CELSR1: variants seen among roughly 807,000 people sequenced by gnomAD.
CELSR1 encodes cadherin EGF LAG seven-pass G-type receptor 1, also known as adhesion G protein-coupled receptor C1.
In CELSR1, 110 loss-of-function variants were observed where a neutral mutation model predicts 249.1. The ratio of observed to expected loss-of-function variants is 0.44; its 90% CI spans 0.38 to 0.52. CELSR1 has a LOEUF of 0.52. Among genes scored for constraint, CELSR1 ranks in the 20% least tolerant of loss-of-function variants. CELSR1 has a pLI of 0.00. For synonymous variants in CELSR1, 2,113 were observed against 1,900.0 expected (o/e 1.11, Z -2.92); for missense variants, 4,109 against 4,296.4 (o/e 0.96, Z 1.22).
In CELSR1 at chr22:46,430,948, TCCTAATGGACG is replaced by T. The variant is rs2079588557; in HGVS notation, c.4611+2434_4611+2444del. On this transcript the variant is annotated intron_variant, in intron 5 of 34. Coordinates refer to ENST00000674500, the MANE Select transcript of CELSR1 (RefSeq NM_001378328.1). This position sits in a 1 kb window ranked among gnomAD's most constrained non-coding sequence, Gnocchi z 4.6. The stretch of plus-strand genomic sequence containing the variant: ...TCCTAGTGTGTGGCCCCGTCAGACC[TCCTAATGGACG>T]CCTGAAGACACAGTAAAAACTGGTT... 6.6e-6 allele frequency among the ~76,000 whole-genome samples: 1 copy of T among 152,136 alleles called. No individual in the cohort carries two copies. Among genetic ancestry groups the T allele is most frequent in the African/African-American group, 2.4e-5 (1 of 41,430 alleles).
In CELSR1 at chr22:46,397,834, C is replaced by T. The variant is rs1213104318; in HGVS notation, c.5541G>A (p.Gly1847=). ...GGGTGGCGACGTTGGTGGGCGTCCC[C>T]CCCATCCTCACTCCCTGCATTAAGT... is the stretch of plus-strand genomic sequence containing the variant. ...FRGCMQGVRM[G]GTPTNVATLN... Residue 1847 remains glycine (G), a synonymous_variant, in exon 12 of 35, where the codon GGG becomes GGA. Transcript: ENST00000674500. 2 of 1,577,682 alleles carry T rather than the reference C, an allele frequency of 1.3e-6. No individual in the cohort carries two copies. The highest frequency in any genetic ancestry group is 1.4e-5 in the African/African-American group (1 of 73,752).
chr22:46,380,846 G>A lies in CELSR1; in HGVS notation c.7198C>T (p.Leu2400=). 6.2e-7 allele frequency: 1 copy of A among 1,612,294 alleles called. No individual in the cohort carries two copies. The highest frequency in any genetic ancestry group is 8.5e-7 in the Non-Finnish European group (1 of 1,179,852). The part of the protein sequence containing the change: ...LERPVLVEFA[L]LEVEERTKPV... ...TTGGTTCGCTCCTCCACCTCCAGCA[G>A]GGCGAACTCCACCAGGACGGGCCTC... The change falls in exon 22 of 35, where the codon CTG becomes TTG. Residue 2400 remains leucine, a synonymous_variant. Coordinates refer to ENST00000674500, the MANE Select transcript of CELSR1 (RefSeq NM_001378328.1). The surrounding 1 kb of genome is among the most constrained non-coding windows in gnomAD (Gnocchi z 5.1).
intron 18 of CELSR1, among the ~76,000 whole-genome samples, chr22:46,387,524 T>C (rs2079045449): frequency 6.8e-6 from 1 of 146,050 alleles, no homozygotes; most frequent in South Asian, 2.1e-4. Context: ...GCCCAGCTGA[T>C]TTTTTTCATA....
chr22:46,493,407 G>A (rs1298853065), intron 1 of CELSR1, among the ~76,000 whole-genome samples: 3 of 151,842 alleles, frequency 2.0e-5, no homozygotes, highest in African/African-American at 7.3e-5. Flanking sequence ...TTAGCTGGGT[G>A]TGGTGGTGGG....
chr22:46,422,370 A>C (rs2079484331), intron 5 of CELSR1, among the ~76,000 whole-genome samples: 1 of 151,988 alleles, frequency 6.6e-6, no homozygotes, highest in Non-Finnish European at 1.5e-5. Context: ...GGCCTCCCAA[A>C]GTGCTAGGAT....
rs947340305 is a variant in CELSR1, at chr22:46,454,302, G to A, written c.4183+9405C>T. ...AACAGTAAGAATGAATCCGTGCTGC[G>A]TTAAGCCCCTCGTGTGTGGAAATGT... is the stretch of plus-strand genomic sequence containing the variant. On this transcript the variant is annotated intron_variant, in intron 2 of 34. Coordinates refer to ENST00000674500, the MANE Select transcript of CELSR1 (RefSeq NM_001378328.1). This position sits in a 1 kb window ranked among gnomAD's most constrained non-coding sequence, Gnocchi z 5.1. 2.6e-5 allele frequency among the ~76,000 whole-genome samples: 4 copies of A among 152,212 alleles called. No individual in the cohort carries two copies. The highest frequency in any genetic ancestry group is 6.5e-5 in the Admixed American group (1 of 15,284).
rs559583570 is a variant in CELSR1, at chr22:46,463,995, C to T, written c.3895G>A (p.Val1299Met). 4.3e-6 allele frequency: 7 copies of T among 1,613,900 alleles called. No homozygotes were observed. The highest frequency in any genetic ancestry group is 1.3e-5 in the African/African-American group (1 of 75,078). Residue 1299 changes from valine to methionine, a missense_variant, in exon 2 of 35, where the codon GTG becomes ATG. Physicochemically the swap from Val to Met is conservative, Grantham distance 21. This residue lies in a region of CELSR1 where 141 missense variants were observed against 209.4 expected (regional missense o/e 0.67). Transcript: ENST00000674500. ...CAGATGTTGTCGTCGAAGGGCAGCA[C>T]GCGCTGCGTGGAGATGGTGGTCAGC... ...TLLTTISTQR[V>M]LPFDDNICLR... is the part of the protein sequence containing the mutation.
At chr22:46,475,872 T>C (rs1356014919) in intron 1 of CELSR1, among the ~76,000 whole-genome samples, 1 of 152,144 alleles carries the variant, frequency 6.6e-6, no homozygotes, top group Admixed American at 6.6e-5. Flanking sequence ...ATTAAGTTGT[T>C]CCATGTTATT....
At position 46,488,828 on chromosome 22, in the gene CELSR1, T is replaced by C. The variant is rs1285945193; in HGVS notation, c.3545-24483A>G. Among the ~76,000 whole-genome samples, 2 of 151,958 alleles carry C rather than the reference T, an allele frequency of 1.3e-5. No homozygotes were observed. The highest frequency in any genetic ancestry group is 4.8e-5 in the African/African-American group (2 of 41,368). ...GCGCCCGCCACCAGGCCCAGCTAAT[T>C]TTTTGTATTTTTAGTAGAGACGGGG... On this transcript the variant is annotated intron_variant, in intron 1 of 34. Coordinates refer to ENST00000674500, the MANE Select transcript of CELSR1 (RefSeq NM_001378328.1). The surrounding 1 kb of genome is among the most constrained non-coding windows in gnomAD (Gnocchi z 4.7).
Position 46,397,678 on chromosome 22 carries a change from G to C in CELSR1, c.5697C>G (p.Asp1899Glu). 6.6e-7 allele frequency: 1 copy of C among 1,508,946 alleles called. No homozygotes were observed. Among genetic ancestry groups the C allele is most frequent in the Non-Finnish European group, 8.9e-7 (1 of 1,120,692 alleles). The allele number at this position is 1,508,946 out of a possible 1,614,324, so 93.5% of individuals were successfully genotyped here. The change falls in exon 12 of 35, where the codon GAC (aspartate) becomes GAG (glutamate). Residue 1899 changes from aspartate to glutamate, a missense_variant. This residue lies in a region of CELSR1 where 1,805 missense variants were observed against 1,831.6 expected (regional missense o/e 0.99). Transcript: ENST00000674500. ...GCCCCGGGAGGGCGGTCCCACCTTT[G>C]TCACAGACGCAGCTGTAGTCCTCCC... is the stretch of plus-strand genomic sequence containing the variant. ...DAWEDYSCVC[D>E]KGYLGINCVD...
At position 46,409,924 on chromosome 22, in the gene CELSR1, G is replaced by A. The variant is rs377033128; in HGVS notation, c.4934-44C>T. On this transcript the variant is annotated intron_variant, in intron 7 of 34. Coordinates refer to ENST00000674500, the MANE Select transcript of CELSR1 (RefSeq NM_001378328.1). The surrounding 1 kb of genome is among the most constrained non-coding windows in gnomAD (Gnocchi z 9.8). ...CGGCAGAGCCTGACTCGGAGGAACC[G>A]CCCGGGGTCCCCGGCGCCAGACGTG... 25 of 1,604,180 alleles carry A rather than the reference G, an allele frequency of 1.6e-5. No individual in the cohort carries two copies. The highest frequency in any genetic ancestry group is 4.0e-5 in the African/African-American group (3 of 74,900).
chr22:46,367,036 A>G lies in CELSR1; in HGVS notation c.8162T>C (p.Leu2721Pro), dbSNP rs766314777. Reference sequence around the variant, plus strand: ...GGTGGTGGCGGAGTCCTCCAGGTGCAGCTTCCTCCCGCCGAGCACGCCCTT... The same window carrying G: ...GGTGGTGGCGGAGTCCTCCAGGTGCGGCTTCCTCCCGCCGAGCACGCCCTT... Reference protein sequence around the residue: ...HLKGVLGGRKLHLEDSATTRA... With the variant: ...HLKGVLGGRKPHLEDSATTRA... Residue 2721 changes from leucine (L) to proline (P), a missense_variant, in exon 29 of 35, where the codon CTG (leucine) becomes CCG (proline). Leu to Pro is a moderately conservative substitution (Grantham distance 98, BLOSUM62 -3). Coordinates refer to ENST00000674500, the MANE Select transcript of CELSR1 (RefSeq NM_001378328.1). The G allele has an allele frequency of 6.2e-7, 1 of 1,610,824 alleles. No homozygotes were observed. Among genetic ancestry groups the G allele is most frequent in the South Asian group, 1.1e-5 (1 of 90,722 alleles).
intron 1 of CELSR1, among the ~76,000 whole-genome samples, chr22:46,496,819 G>A (rs887881937): frequency 1.1e-4 from 16 of 151,976 alleles, no homozygotes; most frequent in African/African-American, 3.9e-4. Flanking sequence ...TGGAAAACCT[G>A]AAGGGCCAGA....
chr22:46,390,801 G>A lies in CELSR1; in HGVS notation c.6251-315C>T, dbSNP rs1382795700. On this transcript the variant is annotated intron_variant, in intron 16 of 34. Transcript: ENST00000674500. This position sits in a 1 kb window ranked among gnomAD's most constrained non-coding sequence, Gnocchi z 6.3. The stretch of plus-strand genomic sequence containing the variant: ...ATCCCATGCACCAGGAATCCATTTC[G>A]GCTGGGCCTTTCCTTGCCTCACTGG... Among the ~76,000 whole-genome samples the A allele has an allele frequency of 1.3e-5, 2 of 152,174 alleles. No individual in the cohort carries two copies. The highest frequency in any genetic ancestry group is 2.9e-5 in the Non-Finnish European group (2 of 68,026).
chr22:46,485,318 C>T (rs772634684), intron 1 of CELSR1, among the ~76,000 whole-genome samples: 2 of 152,182 alleles, frequency 1.3e-5, no homozygotes, highest in Non-Finnish European at 2.9e-5. Context: ...AAGACAAGCC[C>T]TCCATCCTGA....
rs1555925990 is a variant in CELSR1 at position 46,474,785 on chromosome 22, C to CTGCTTTT, written c.3545-10441_3545-10440insAAAAGCA. Among the ~76,000 whole-genome samples, 333 of 45,102 alleles carry CTGCTTTT rather than the reference C, an allele frequency of 7.4e-3. 1 individual carries two copies. Among genetic ancestry groups the CTGCTTTT allele is most frequent in the Middle Eastern group, 0.019 (2 of 106 alleles). 29.6% of individuals were successfully genotyped at this position (45,102 alleles called of 152,430 possible). ...CTGGTGACCATTATTCTACTCTCTA[C>CTGCTTTT]TTCTTTTTTTTTTTTTTTTTTGAGA... On this transcript the variant is annotated intron_variant, in intron 1 of 34. Coordinates refer to ENST00000674500, the MANE Select transcript of CELSR1 (RefSeq NM_001378328.1).
intron 2 of CELSR1, among the ~76,000 whole-genome samples, chr22:46,462,054 C>T (rs974436438): frequency 2.0e-5 from 3 of 152,254 alleles, no homozygotes; most frequent in Admixed American, 6.5e-5. Context: ...CGTCCCCACC[C>T]CCAAACCCAA....
At position 46,380,474 on chromosome 22, in the gene CELSR1, G is replaced by A. The variant is rs923780575; in HGVS notation, c.7256+314C>T. On this transcript the variant is annotated intron_variant, in intron 22 of 34. Coordinates refer to ENST00000674500, the MANE Select transcript of CELSR1 (RefSeq NM_001378328.1). The surrounding 1 kb of genome is among the most constrained non-coding windows in gnomAD (Gnocchi z 5.1). The stretch of plus-strand genomic sequence containing the variant: ...ACTGGGCACTACACTAGTGTTGGCC[G>A]CTGCATGTCGGGAGTCCCGCAGGTG... Among the ~76,000 whole-genome samples the A allele has an allele frequency of 1.3e-5, 2 of 152,232 alleles. No individual in the cohort carries two copies. Among genetic ancestry groups the A allele is most frequent in the African/African-American group, 4.8e-5 (2 of 41,466 alleles).
chr22:46,531,887 C>T (rs2080795764), intron 1 of CELSR1, among the ~76,000 whole-genome samples: 1 of 152,162 alleles, frequency 6.6e-6, no homozygotes, highest in African/African-American at 2.4e-5. Flanking sequence ...CATGAGGACA[C>T]AGCACCTGAT....
Sources: gnomAD v4.1 joint callset for allele counts (sites outside exome capture counted in the v4.1 genomes callset) on GRCh38, gnomAD v4.1.1 for gene constraint, gnomAD v4.1.1 regional missense constraint, Gnocchi (gnomAD v3.1) non-coding constraint, MANE v1.5 for transcripts, NCBI Gene and HGNC (gene_info 2026-07-23, HGNC 2026-07-21) for gene names.